The following DIP2C variants were observed in gnomAD, a reference collection of about 807,000 sequenced individuals.
DIP2C encodes disco-interacting protein 2 homolog C.
In DIP2C, 33 loss-of-function variants were observed where a neutral mutation model predicts 192.4. The observed-to-expected ratio is 0.17, with a 90% CI of 0.13 to 0.23. The LOEUF (loss-of-function observed/expected upper bound fraction) is 0.23. Among genes scored for constraint, DIP2C ranks in the 10% least tolerant of loss-of-function variants. The pLI is 1.00. For synonymous variants in DIP2C, 979 were observed against 864.1 expected, an observed-to-expected ratio of 1.13 and a Z score of -2.33; for missense variants, 1,537 against 2,110.1, an observed-to-expected ratio of 0.73 and a Z score of 5.32.
intron 1 of DIP2C, among the ~76,000 whole-genome samples, chr10:594,318 T>TC (rs1190399632): frequency 6.6e-6 from 1 of 151,844 alleles, no homozygotes; most frequent in Non-Finnish European, 1.5e-5. Flanking sequence ...CACATGAAAC[T>TC]CCCCACTTAC....
chr10:535,974 G>T (rs992162475), intron 1 of DIP2C, among the ~76,000 whole-genome samples: 12 of 152,292 alleles, frequency 7.9e-5, no homozygotes, highest in Middle Eastern at 3.4e-3. Flanking sequence ...GCACACTTCG[G>T]GTGCAAAGAG....
Position 515,620 on chromosome 10 carries a change from G to A in DIP2C, c.86-29090C>T, listed in dbSNP as rs373691008. On this transcript the variant is annotated intron_variant, in intron 1 of 36. Transcript: ENST00000280886. Reference sequence around the variant, plus strand: ...ACACTAATAATCCCGCTACTCAAGAGGCTGAGGCAGGAAGAACTGCCTGAA... The same window carrying A: ...ACACTAATAATCCCGCTACTCAAGAAGCTGAGGCAGGAAGAACTGCCTGAA... Among the ~76,000 whole-genome samples the A allele has an allele frequency of 5.9e-5, 9 of 152,282 alleles. No homozygotes were observed. In the East Asian group the frequency reaches 9.6e-4, roughly 16 times the overall value.
intron 1 of DIP2C, among the ~76,000 whole-genome samples, chr10:578,649 G>A (rs745321765): frequency 4.9e-4 from 75 of 152,268 alleles, no homozygotes; most frequent in Middle Eastern, 3.4e-3. Context: ...GGTGTGTTCC[G>A]GGATCCCTGC....
chr10:633,275 C>T (rs979258681), intron 1 of DIP2C, among the ~76,000 whole-genome samples: 3 of 152,212 alleles, frequency 2.0e-5, no homozygotes, highest in Non-Finnish European at 4.4e-5. Context: ...AAATAAAACC[C>T]GGGGCCGCCT....
rs1489425520 is a variant in DIP2C, at chr10:277,112, T to G, written c.*213A>C. ...ACAAACTGAAGGCAGTAATCCAAAG[T>G]CCTTCTGAGCGAAATTCAGTGGTAA... On this transcript the variant is annotated 3_prime_UTR_variant, in exon 37 of 37. Coordinates refer to ENST00000280886, the MANE Select transcript of DIP2C (RefSeq NM_014974.3). 1.7e-6 allele frequency: 1 copy of G among 597,576 alleles called. No individual in the cohort carries two copies. The highest frequency in any genetic ancestry group is 2.7e-6 in the Non-Finnish European group (1 of 372,796). The allele number at this position is 597,576 out of a possible 1,614,324, so 37.0% of individuals were successfully genotyped here. A position where few individuals can be genotyped will look rare whatever the true frequency, so the allele number is the denominator to read the frequency against.
chr10:464,669 C>T (rs1234754661), intron 3 of DIP2C, among the ~76,000 whole-genome samples: 1 of 152,222 alleles, frequency 6.6e-6, no homozygotes, highest in East Asian at 1.9e-4. Context: ...ACTATAAAGA[C>T]ACATACAAAC....
intron 31 of DIP2C, among the ~76,000 whole-genome samples, chr10:315,756 C>G (rs1441805121): frequency 6.6e-6 from 1 of 152,162 alleles, no homozygotes; most frequent in Non-Finnish European, 1.5e-5. Context: ...TCAAATTGTT[C>G]TCTTGCCCCA....
At chr10:635,632 G>C (rs893144926) in intron 1 of DIP2C, among the ~76,000 whole-genome samples, 5 of 152,242 alleles carry the variant, frequency 3.3e-5, no homozygotes, top group African/African-American at 1.2e-4. Context: ...AGGAGGCCGT[G>C]GCCAGCCCTG....
At chr10:615,426 A>G (rs531725208) in intron 1 of DIP2C, among the ~76,000 whole-genome samples, 1 of 152,288 alleles carries the variant, frequency 6.6e-6, no homozygotes, top group East Asian at 1.9e-4. Context: ...TGGCTTCCTC[A>G]GGGACGCTAA....
Position 651,249 on chromosome 10 carries a change from G to A in DIP2C, c.85+38245C>T, listed in dbSNP as rs1253582079. ...ACACCAATGATGGCGTCACAGCGTG[G>A]GTTCCGGTCACCAGTCGGCCTCCCC... On this transcript the variant is annotated intron_variant, in intron 1 of 36. Transcript: ENST00000280886. The surrounding 1 kb of genome is among the most constrained non-coding windows in gnomAD (Gnocchi z 4.1). 1.4e-6 allele frequency: 1 copy of A among 716,010 alleles called. No individual in the cohort carries two copies. The highest frequency in any genetic ancestry group is 2.7e-5 in the East Asian group (1 of 37,284). The allele number at this position is 716,010 out of a possible 1,614,324, so 44.4% of individuals were successfully genotyped here. A position where few individuals can be genotyped will look rare whatever the true frequency, so the allele number is the denominator to read the frequency against.
intron 7 of DIP2C, 143 bp downstream of exon 7, chr10:415,626 C>CG (rs985569243): frequency 1.8e-6 from 2 of 1,122,386 alleles, no homozygotes; most frequent in East Asian, 5.0e-5. Context: ...GAACATCACC[C>CG]GCTCCCTACC....
intron 35 of DIP2C, 52 bp from the exon 36 acceptor site, chr10:281,375 G>A (rs773709551): frequency 5.3e-5 from 78 of 1,462,422 alleles, no homozygotes; most frequent in East Asian, 3.2e-4. Context: ...CGCTCAAGCC[G>A]TTTCCTTCTT....
intron 3 of DIP2C, among the ~76,000 whole-genome samples, chr10:463,743 A>G (rs2133390732): frequency 6.6e-6 from 1 of 152,318 alleles, no homozygotes; most frequent in African/African-American, 2.4e-5. Flanking sequence ...ACTTCAAACT[A>G]TAGACAAGGC....
At chr10:338,372 C>T (rs563370508) in intron 29 of DIP2C, among the ~76,000 whole-genome samples, 2 of 152,106 alleles carry the variant, frequency 1.3e-5, no homozygotes, top group African/African-American at 2.4e-5. Context: ...CGCCAACTCA[C>T]CTGGGCAACC....
At chr10:602,360 C>G (rs895342071) in intron 1 of DIP2C, among the ~76,000 whole-genome samples, 3 of 152,206 alleles carry the variant, frequency 2.0e-5, no homozygotes, top group Non-Finnish European at 4.4e-5. Flanking sequence ...ATGATACCAT[C>G]GCAGCCCTAA....
intron 2 of DIP2C, among the ~76,000 whole-genome samples, chr10:475,341 C>T (rs1194455431): frequency 1.3e-5 from 2 of 152,190 alleles, no homozygotes; most frequent in African/African-American, 4.8e-5. Context: ...TAGTCACTGA[C>T]AGCACAGTTG....
rs180739332 is a variant in DIP2C at position 518,000 on chromosome 10, T to A, written c.86-31470A>T. ...AACGTTTCATCAAGGAAAGGCAGCA[T>A]GATTTCTGCTAGGCAGTTTGGTGGG... On this transcript the variant is annotated intron_variant, in intron 1 of 36. Transcript: ENST00000280886. Among the ~76,000 whole-genome samples the A allele has an allele frequency of 1.2e-4, 19 of 152,358 alleles. 1 individual carries two copies.
At chr10:495,698 T>C (rs896031007) in intron 1 of DIP2C, among the ~76,000 whole-genome samples, 4 of 152,104 alleles carry the variant, frequency 2.6e-5, no homozygotes, top group African/African-American at 4.8e-5. Context: ...AGCATTTACA[T>C]AGAACCCACA....
At chr10:590,440 C>T (rs927763663) in intron 1 of DIP2C, among the ~76,000 whole-genome samples, 3 of 152,236 alleles carry the variant, frequency 2.0e-5, no homozygotes, top group Non-Finnish European at 4.4e-5. Flanking sequence ...GACACAAGGC[C>T]CAGTTCCTGC....
Sources: gnomAD v4.1 joint callset for allele counts (sites outside exome capture counted in the v4.1 genomes callset) on GRCh38, gnomAD v4.1.1 for gene constraint, Gnocchi (gnomAD v3.1) non-coding constraint, MANE v1.5 for transcripts, NCBI Gene and HGNC (gene_info 2026-07-23, HGNC 2026-07-21) for gene names.